The following C13orf46 variants were observed in gnomAD, a reference collection of about 807,000 sequenced individuals.
The protein encoded by C13orf46 is uncharacterized protein C13orf46.
downstream of C13orf46, among the ~76,000 whole-genome samples, chr13:113,951,429 T>C (rs1172131618): frequency 6.6e-6 from 1 of 152,150 alleles, no homozygotes; most frequent in Non-Finnish European, 1.5e-5. Context: ...TGGAACTGCT[T>C]TGGCCTCGGC....
At chr13:113,951,783 G>A (rs1216574995), downstream of C13orf46, among the ~76,000 whole-genome samples, 1 of 152,240 alleles carries the variant, frequency 6.6e-6, no homozygotes, top group Admixed American at 6.5e-5. Context: ...ACTCCACGTA[G>A]AGATGTGCTG....
chr13:113,932,141 T>C, the C13orf46 span, among the ~76,000 whole-genome samples: 1 of 152,216 alleles, frequency 6.6e-6, no homozygotes, highest in African/African-American at 2.4e-5. Context: ...TGTATCATAA[T>C]TGGTTCATCC....
chr13:113,936,349 T>C, the C13orf46 span, among the ~76,000 whole-genome samples: 1 of 152,190 alleles, frequency 6.6e-6, no homozygotes, highest in Non-Finnish European at 1.5e-5. Flanking sequence ...ATTGGCCCCG[T>C]GGGGAGCTGA....
At chr13:113,939,526 A>T in the C13orf46 span, among the ~76,000 whole-genome samples, 1 of 152,104 alleles carries the variant, frequency 6.6e-6, no homozygotes, top group Non-Finnish European at 1.5e-5. Context: ...GTGGATGGGA[A>T]AGATGGGGAC....
chr13:113,936,810 G>GGTGT, the C13orf46 span, among the ~76,000 whole-genome samples: 21 of 152,234 alleles, frequency 1.4e-4, no homozygotes, highest in African/African-American at 4.6e-4. Context: ...CGGTCCAGGG[G>GGTGT]GGGAAATCAG....
the C13orf46 span, among the ~76,000 whole-genome samples, chr13:113,931,640 G>A: frequency 2.0e-5 from 3 of 152,278 alleles, no homozygotes; most frequent in East Asian, 5.8e-4. Flanking sequence ...AAATGTTAGG[G>A]TTCACTCCTT....
the C13orf46 span, among the ~76,000 whole-genome samples, chr13:113,938,443 G>C: frequency 9.9e-5 from 15 of 152,096 alleles, no homozygotes; most frequent in African/African-American, 2.4e-4. Flanking sequence ...CTTGGCCCAC[G>C]GCCCATCTTC....
At chr13:113,933,313 A>C in the C13orf46 span, among the ~76,000 whole-genome samples, 1 of 152,378 alleles carries the variant, frequency 6.6e-6, no homozygotes, top group East Asian at 1.9e-4. Flanking sequence ...ACATTTATCA[A>C]AAGTCAATTG....
chr13:113,943,191 G>T, the C13orf46 span, among the ~76,000 whole-genome samples: 1 of 123,238 alleles, frequency 8.1e-6, no homozygotes, highest in Non-Finnish European at 2.0e-5. Flanking sequence ...CTGAGCCCAA[G>T]ACAAGTGACC....
At chr13:113,934,583 T>G in the C13orf46 span, among the ~76,000 whole-genome samples, 1 of 152,186 alleles carries the variant, frequency 6.6e-6, no homozygotes, top group Non-Finnish European at 1.5e-5. Context: ...AAAAGAAAGA[T>G]TGTGTGTGCT....
At chr13:113,934,360 A>G in the C13orf46 span, among the ~76,000 whole-genome samples, 2 of 152,262 alleles carry the variant, frequency 1.3e-5, no homozygotes, top group African/African-American at 2.4e-5. Context: ...TCGCTGGGTC[A>G]TAATGGCAGG....
In C13orf46 at chr13:113,955,063, C is replaced by T. The variant is rs1486914699; in HGVS notation, c.*1710G>A. 453 of 161,186 alleles carry T rather than the reference C, an allele frequency of 2.8e-3. 6 individuals are homozygous for T. The highest frequency in any genetic ancestry group is 0.012 in the African/African-American group (392 of 32,556). The allele number at this position is 161,186 out of a possible 1,614,324, so 10.0% of individuals were successfully genotyped here. ...TCTGGCGGAGAGGAGGAGCATCCGG[C>T]GGGGATGAGGAGCATCCAGTGGGGA... is the stretch of plus-strand genomic sequence containing the variant. On this transcript the variant is annotated 3_prime_UTR_variant, in exon 7 of 7. Transcript: ENST00000636427.
intron 1 of C13orf46, among the ~76,000 whole-genome samples, chr13:113,970,629 C>T (rs569456592): frequency 7.2e-5 from 11 of 152,334 alleles, no homozygotes; most frequent in East Asian, 3.9e-4. Flanking sequence ...CTGCCCATGC[C>T]GGCTACTACC....
chr13:113,936,466 C>A, the C13orf46 span, among the ~76,000 whole-genome samples: 1 of 152,184 alleles, frequency 6.6e-6, no homozygotes, highest in Non-Finnish European at 1.5e-5. Context: ...AAGTCCTCCA[C>A]TTTGCTTCCG....
chr13:113,936,398 C>T, the C13orf46 span, among the ~76,000 whole-genome samples: 2,369 of 152,244 alleles, frequency 0.016, 41 homozygotes, highest in East Asian at 0.049. Context: ...ATCCTGGCCG[C>T]CTTCCCTTCC....
chr13:113,942,319 A>G, the C13orf46 span, among the ~76,000 whole-genome samples: 1 of 152,370 alleles, frequency 6.6e-6, no homozygotes, highest in East Asian at 1.9e-4. Context: ...GAAATGGGGA[A>G]ACAGAAAATC....
intron 6 of C13orf46, among the ~76,000 whole-genome samples, chr13:113,959,677 T>C (rs896303432): frequency 2.2e-4 from 34 of 152,332 alleles, no homozygotes; most frequent in African/African-American, 6.7e-4. Flanking sequence ...CTTTTGCTTA[T>C]TTTAAACCAA....
intron 6 of C13orf46, among the ~76,000 whole-genome samples, chr13:113,958,653 G>C (rs939131246): frequency 6.6e-6 from 1 of 152,248 alleles, no homozygotes; most frequent in East Asian, 1.9e-4. Context: ...CAGACGGCTC[G>C]CGGGCGACAG....
intron 5 of C13orf46, among the ~76,000 whole-genome samples, chr13:113,966,980 C>T (rs1260871615): frequency 6.6e-6 from 1 of 152,138 alleles, no homozygotes; most frequent in Non-Finnish European, 1.5e-5. Flanking sequence ...AACCACACAT[C>T]CACCAAAGCC....
Sources: gnomAD v4.1 joint callset for allele counts (sites outside exome capture counted in the v4.1 genomes callset) on GRCh38, gnomAD v4.1.1 for gene constraint, MANE v1.5 for transcripts, NCBI Gene and HGNC (gene_info 2026-07-23, HGNC 2026-07-21) for gene names.